CLN8: variants seen among roughly 807,000 people sequenced by gnomAD.
CLN8 encodes the protein protein CLN8.
A neutral mutation model predicts 15.7 loss-of-function variants in CLN8; 14 were observed. The ratio of observed to expected loss-of-function variants is 0.89; its 90% CI spans 0.59 to 1.39. The LOEUF is 1.39. CLN8 is among the 40% of genes most tolerant of loss of function. The probability of loss-of-function intolerance (pLI) is 0.00; values close to 1 mark genes in which losing one functional copy is unlikely to be tolerated. For missense variants in CLN8, 415 were observed against 364.0 expected (o/e 1.14, Z -1.14); for synonymous variants, 188 against 151.0 (o/e 1.25, Z -1.80).
rs116384516 is a variant in CLN8 at position 1,769,854 on chromosome 8, G to C, written c.-123-1078G>C. Among the ~76,000 whole-genome samples the C allele has an allele frequency of 8.4e-3, 1,283 of 152,282 alleles. 23 individuals carry two copies. The highest frequency in any genetic ancestry group is 0.029 in the African/African-American group (1,188 of 41,544). On this transcript the variant is annotated intron_variant, in intron 1 of 2. Transcript: ENST00000331222. ...CTGCATCAGGCAGAGGAGATGCTGT[G>C]ATGGAAGGCAGGTGTGGTCTGTGCC...
Position 1,780,472 on chromosome 8 carries a change from C to T in CLN8, c.766C>T (p.Gln256Ter), listed in dbSNP as rs386834138. ...NPYWTHKKTQ[Q>*]LLNPVDWNFA... ...ATATTGGACCCATAAGAAGACTCAGCAGCTTCTCAATCCGGTGGACTGGAA... is the reference window on the plus strand; with the variant it reads ...ATATTGGACCCATAAGAAGACTCAGTAGCTTCTCAATCCGGTGGACTGGAA... Residue 256 changes from glutamine (Q) to a stop codon, truncating the protein, a stop_gained, in exon 3 of 3, where the codon CAG (glutamine) becomes TAG (stop). Coordinates refer to ENST00000331222, the MANE Select transcript of CLN8 (RefSeq NM_018941.4). LOFTEE classifies it high-confidence loss of function. 2.5e-6 allele frequency: 4 copies of T among 1,614,104 alleles called. No individual in the cohort carries two copies. The highest frequency in any genetic ancestry group is 3.4e-6 in the Non-Finnish European group (4 of 1,180,056).
chr8:1,772,878 C>G (rs969508997), intron 2 of CLN8: 1 of 398,352 alleles, frequency 2.5e-6, no homozygotes, highest in South Asian at 1.3e-4. Context: ...AAATGTTCAG[C>G]CATTCACACA....
intron 2 of CLN8, among the ~76,000 whole-genome samples, chr8:1,775,730 T>C (rs56147268): frequency 0.072 from 10,982 of 152,252 alleles, 485 homozygotes; most frequent in Non-Finnish European, 0.1. Context: ...AGTTCATCAC[T>C]GTGTGGGGCC....
chr8:1,770,677 G>A (rs747025236), intron 1 of CLN8, among the ~76,000 whole-genome samples: 15 of 152,142 alleles, frequency 9.9e-5, no homozygotes, highest in Non-Finnish European at 1.8e-4. Context: ...CACATAGGAC[G>A]AGCATAGGAC....
Position 1,780,841 on chromosome 8 carries a change from TC to T in CLN8, c.*275del. The T allele has an allele frequency of 1.9e-6, 1 of 532,804 alleles. No homozygotes were observed. The highest frequency in any genetic ancestry group is 2.4e-5 in the South Asian group (1 of 42,294). 33.0% of individuals were successfully genotyped at this position (532,804 alleles called of 1,614,324 possible). ...GAGAGGAGTCCATGGTGTCCAGGCA[TC>T]GGGGCGTCACACCTGTTGAGGAGTG... On this transcript the variant is annotated 3_prime_UTR_variant, in exon 3 of 3. Coordinates refer to ENST00000331222, the MANE Select transcript of CLN8 (RefSeq NM_018941.4).
At chr8:1,755,550 C>T (rs755985427), upstream of CLN8, among the ~76,000 whole-genome samples, 13 of 152,318 alleles carry the variant, frequency 8.5e-5, no homozygotes, top group Admixed American at 2.6e-4. Context: ...CTCTGAACAC[C>T]GTGTCGCAGG....
chr8:1,755,372 C>T (rs548075326), upstream of CLN8, among the ~76,000 whole-genome samples: 1 of 152,266 alleles, frequency 6.6e-6, no homozygotes, highest in African/African-American at 2.4e-5. Flanking sequence ...CTCGCTCTTC[C>T]CATCCTGTTT....
At chr8:1,767,745 G>GT (rs1801126506) in intron 1 of CLN8, among the ~76,000 whole-genome samples, 1 of 150,752 alleles carries the variant, frequency 6.6e-6, no homozygotes, top group African/African-American at 2.4e-5. Flanking sequence ...CTAATTTTTT[G>GT]TATCTCTAAT....
At chr8:1,756,575 G>C (rs1219260393) in intron 1 of CLN8, among the ~76,000 whole-genome samples, 2 of 151,444 alleles carry the variant, frequency 1.3e-5, no homozygotes, top group African/African-American at 4.9e-5. Context: ...GTTTGGGGGA[G>C]AGGGGAGGCT....
upstream of CLN8, among the ~76,000 whole-genome samples, chr8:1,761,517 G>C (rs1368650091): frequency 1.3e-5 from 2 of 152,214 alleles, no homozygotes; most frequent in Non-Finnish European, 1.5e-5. Flanking sequence ...TAGAGACGGG[G>C]TTTTGCCATG....
At chr8:1,759,094 A>C (rs893218682), upstream of CLN8, 3 of 152,208 alleles carry the variant, frequency 2.0e-5, no homozygotes, top group African/African-American at 7.2e-5. Context: ...TTATTGCTAC[A>C]GAGTCTGTTT....
chr8:1,778,720 G>A (rs957303762), intron 2 of CLN8, among the ~76,000 whole-genome samples: 1 of 152,238 alleles, frequency 6.6e-6, no homozygotes, highest in Admixed American at 6.5e-5. Context: ...TCCCCTCTGA[G>A]ACCTGGGAAG....
chr8:1,771,103 G>A lies in CLN8; in HGVS notation c.49G>A (p.Asp17Asn). The A allele has an allele frequency of 6.2e-7, 1 of 1,614,004 alleles. No individual in the cohort carries two copies. Among genetic ancestry groups the A allele is most frequent in the African/African-American group, 1.3e-5 (1 of 74,994 alleles). ...CACATCAGAGAGCATTTTTGACCTGGACTATGCATCCTGGGGGATCCGCTC... is the reference window on the plus strand; with the variant it reads ...CACATCAGAGAGCATTTTTGACCTGAACTATGCATCCTGGGGGATCCGCTC... ...GGTSESIFDLDYASWGIRSTL... is the reference protein window; with the variant it reads ...GGTSESIFDLNYASWGIRSTL... Residue 17 changes from aspartate to asparagine, a missense_variant, in exon 2 of 3, where the codon GAC (aspartate) becomes AAC (asparagine). Transcript: ENST00000331222.
At chr8:1,756,706 G>T (rs922302780) in intron 1 of CLN8, among the ~76,000 whole-genome samples, 1 of 132,032 alleles carries the variant, frequency 7.6e-6, no homozygotes, top group African/African-American at 3.0e-5. Flanking sequence ...TTTTGAGACA[G>T]AGTTTTGTTC....
chr8:1,753,373 C>G (rs192483868), upstream of CLN8, among the ~76,000 whole-genome samples: 9 of 152,086 alleles, frequency 5.9e-5, no homozygotes, highest in East Asian at 1.7e-3. Flanking sequence ...GAGTTCGAGA[C>G]CAGCCTGGCC....
chr8:1,768,999 G>C (rs1801193226), intron 1 of CLN8, among the ~76,000 whole-genome samples: 1 of 152,224 alleles, frequency 6.6e-6, no homozygotes, highest in Non-Finnish European at 1.5e-5. Flanking sequence ...GAGCACGCCT[G>C]TGTGCCCTGA....
chr8:1,774,503 A>G (rs138959158), intron 2 of CLN8, among the ~76,000 whole-genome samples: 2 of 152,216 alleles, frequency 1.3e-5, no homozygotes, highest in African/African-American at 4.8e-5. Context: ...GTAGTAGGGC[A>G]TGAGGATTCA....
chr8:1,775,838 C>A (rs951191002), intron 2 of CLN8, among the ~76,000 whole-genome samples: 3 of 152,232 alleles, frequency 2.0e-5, no homozygotes, highest in African/African-American at 7.2e-5. Flanking sequence ...ATACTGTACG[C>A]TCTCTTGAGG....
At chr8:1,770,555 C>G (rs1175290324) in intron 1 of CLN8, among the ~76,000 whole-genome samples, 4 of 152,118 alleles carry the variant, frequency 2.6e-5, no homozygotes, top group African/African-American at 7.2e-5. Context: ...AAGTTCAGTG[C>G]TGTAACAAAG....
Sources: gnomAD v4.1 joint callset for allele counts (sites outside exome capture counted in the v4.1 genomes callset) on GRCh38, gnomAD v4.1.1 for gene constraint, MANE v1.5 for transcripts, NCBI Gene and HGNC (gene_info 2026-07-23, HGNC 2026-07-21) for gene names.